CACNA2D3: variants seen among roughly 807,000 people sequenced by gnomAD.
CACNA2D3 encodes the protein voltage-dependent calcium channel subunit alpha-2/delta-3.
A neutral mutation model predicts 160.6 loss-of-function variants in CACNA2D3; 60 were observed. The ratio of observed to expected loss-of-function variants is 0.37; its 90% confidence interval spans 0.30 to 0.46. The LOEUF (loss-of-function observed/expected upper bound fraction) is 0.46, where lower values mean the gene tolerates loss of function less well. CACNA2D3 is among the 20% of genes least tolerant of loss of function. The pLI, the probability that CACNA2D3 is intolerant of heterozygous loss-of-function variation, is 1.00. For synonymous variants in CACNA2D3, 558 were observed against 492.9 expected (o/e 1.13, Z -1.75); for missense variants, 1,205 against 1,365.0 (o/e 0.88, Z 1.85).
Position 54,956,130 on chromosome 3 carries a change from T to A in CACNA2D3, c.2450-12320T>A, listed in dbSNP as rs2048809. 1.8e-3 allele frequency among the ~76,000 whole-genome samples: 271 copies of A among 152,040 alleles called. 1 individual carries two copies. The highest frequency in any genetic ancestry group is 2.7e-3 in the Non-Finnish European group (184 of 67,984). On this transcript the variant is annotated intron_variant, in intron 27 of 37. Coordinates refer to ENST00000474759, the MANE Select transcript of CACNA2D3 (RefSeq NM_018398.3). ...TGCAGCTCTTCTGGGAGGATCTGCC[T>A]TGGGCCAGGTCTGCTGCAGCTGATC...
At chr3:54,686,370 A>G (rs1700449122) in intron 11 of CACNA2D3, among the ~76,000 whole-genome samples, 1 of 152,192 alleles carries the variant, frequency 6.6e-6, no homozygotes, top group Non-Finnish European at 1.5e-5. Flanking sequence ...TTGTCATTAA[A>G]CTGCAGATGG....
chr3:54,345,878 G>A (rs1370306702), intron 3 of CACNA2D3, among the ~76,000 whole-genome samples: 4 of 151,186 alleles, frequency 2.6e-5, no homozygotes, highest in African/African-American at 4.9e-5. Flanking sequence ...CTGAATCAAA[G>A]TTTTGCAGGA....
intron 13 of CACNA2D3, among the ~76,000 whole-genome samples, chr3:54,806,213 C>T (rs1250509456): frequency 2.6e-5 from 4 of 152,158 alleles, no homozygotes; most frequent in South Asian, 2.1e-4. Flanking sequence ...GGCAATCAGG[C>T]GGGAGAAGGA....
intron 27 of CACNA2D3, among the ~76,000 whole-genome samples, chr3:54,911,351 CTTTTTTTT>C (rs58289082): frequency 1.7e-5 from 1 of 58,586 alleles, no homozygotes; most frequent in Non-Finnish European, 2.7e-5. Context: ...TCTTTGTCGT[CTTTTTTTT>C]TTTTTTTTTT....
chr3:54,918,476 C>G (rs752506987), intron 27 of CACNA2D3: 4 of 1,613,246 alleles, frequency 2.5e-6, no homozygotes, highest in South Asian at 2.2e-5. Context: ...GGTGAGCTGT[C>G]AAATCGCTCT....
intron 27 of CACNA2D3, among the ~76,000 whole-genome samples, chr3:54,930,894 C>T (rs1320454947): frequency 1.3e-5 from 2 of 152,048 alleles, no homozygotes; most frequent in Non-Finnish European, 2.9e-5. Context: ...GACAGGAGTT[C>T]GAGACCAGCC....
intron 17 of CACNA2D3, among the ~76,000 whole-genome samples, chr3:54,863,626 A>T (rs1389296499): frequency 6.6e-6 from 1 of 152,088 alleles, no homozygotes; most frequent in Admixed American, 6.6e-5. Flanking sequence ...CTCCCCACAC[A>T]CAGTGCTGTG....
At position 55,073,818 on chromosome 3, in the gene CACNA2D3, A is replaced by G; in HGVS notation, c.3142A>G (p.Ile1048Val). Residue 1048 changes from isoleucine (I) to valine (V), a missense_variant, in exon 37 of 38, where the codon ATC becomes GTC. Physicochemically the swap from Ile to Val is conservative, Grantham distance 29 (BLOSUM62 3). Around this residue, in one of 3 missense-constraint regions of CACNA2D3, gnomAD observed 911 missense variants for 1,002.2 expected, o/e 0.91. Transcript: ENST00000474759. Reference protein sequence around the residue: ...LKCERLKAQKIRRRPESCHGF... With the variant: ...LKCERLKAQKVRRRPESCHGF... Reference sequence around the variant, plus strand: ...GTGTGAACGTCTAAAGGCCCAGAAGATCAGAAGGCGCCCAGAATCTTGTCA... The same window carrying G: ...GTGTGAACGTCTAAAGGCCCAGAAGGTCAGAAGGCGCCCAGAATCTTGTCA... 11 of 1,613,868 alleles carry G rather than the reference A, an allele frequency of 6.8e-6. No individual in the cohort carries two copies. In the East Asian group the frequency reaches 8.9e-5, roughly 13 times the overall value.
At chr3:54,753,514 C>T (rs1217178718) in intron 12 of CACNA2D3, among the ~76,000 whole-genome samples, 1 of 152,186 alleles carries the variant, frequency 6.6e-6, no homozygotes, top group Non-Finnish European at 1.5e-5. Context: ...TGAGTGAGCA[C>T]ATGGAGCAGA....
intron 2 of CACNA2D3, among the ~76,000 whole-genome samples, chr3:54,257,619 G>A (rs1231915278): frequency 6.6e-6 from 1 of 150,438 alleles, no homozygotes; most frequent in East Asian, 1.9e-4. Flanking sequence ...TGCAGACAGA[G>A]TAATTTTTTT....
intron 34 of CACNA2D3, among the ~76,000 whole-genome samples, 152 bp from the exon 35 acceptor site, chr3:55,018,054 T>C (rs1303390878): frequency 6.6e-6 from 1 of 152,158 alleles, no homozygotes; most frequent in Admixed American, 6.5e-5. Flanking sequence ...TGAAATCACT[T>C]GACTAATTAG....
intron 4 of CACNA2D3, among the ~76,000 whole-genome samples, chr3:54,422,397 T>A (rs938776121): frequency 2.0e-5 from 3 of 152,144 alleles, no homozygotes; most frequent in African/African-American, 7.2e-5. Context: ...TTGAAATGTT[T>A]AAGAAAATGT....
chr3:54,317,306 A>G (rs1032366988), intron 2 of CACNA2D3, among the ~76,000 whole-genome samples: 1 of 152,178 alleles, frequency 6.6e-6, no homozygotes, highest in Non-Finnish European at 1.5e-5. Context: ...CTCCCAAGGT[A>G]GGGGTAGGGA....
chr3:54,717,712 T>C (rs925469653), intron 11 of CACNA2D3, among the ~76,000 whole-genome samples: 5 of 144,442 alleles, frequency 3.5e-5, no homozygotes, highest in African/African-American at 1.3e-4. Flanking sequence ...GGTGTGTGCA[T>C]GTGTGCGTGT....
At chr3:55,029,795 T>G in intron 35 of CACNA2D3, among the ~76,000 whole-genome samples, 1 of 152,210 alleles carries the variant, frequency 6.6e-6, no homozygotes, top group South Asian at 2.1e-4. Context: ...GGTGTTAAAA[T>G]GTAAGTTTTT....
chr3:54,599,291 A>G (rs775458582), intron 9 of CACNA2D3, among the ~76,000 whole-genome samples: 15 of 152,218 alleles, frequency 9.9e-5, no homozygotes, highest in Non-Finnish European at 1.8e-4. Flanking sequence ...TTTATATTAG[A>G]TGAATCTAGA....
intron 3 of CACNA2D3, among the ~76,000 whole-genome samples, chr3:54,342,849 T>C (rs981901671): frequency 6.6e-6 from 1 of 152,192 alleles, no homozygotes; most frequent in African/African-American, 2.4e-5. Context: ...CACCCAGCCA[T>C]AGCTCTCGGG....
intron 2 of CACNA2D3, among the ~76,000 whole-genome samples, chr3:54,226,648 G>C (rs1310919589): frequency 1.3e-5 from 2 of 152,070 alleles, no homozygotes; most frequent in African/African-American, 4.8e-5. Context: ...ATTCCTGGCT[G>C]CCTTGGTAGC....
chr3:55,025,528 G>A (rs1051142906), intron 35 of CACNA2D3, among the ~76,000 whole-genome samples: 9 of 151,498 alleles, frequency 5.9e-5, no homozygotes, highest in African/African-American at 1.2e-4. Flanking sequence ...GCTGCTACTC[G>A]GGAGCTGAGG....
Sources: allele counts gnomAD v4.1 joint callset (sites outside exome capture counted in the v4.1 genomes callset), GRCh38; gene constraint gnomAD v4.1.1; regional missense constraint gnomAD v4.1.1; transcripts MANE v1.5; gene names NCBI Gene and HGNC (gene_info 2026-07-23, HGNC 2026-07-21).